KCNH2: variants seen among roughly 807,000 people sequenced by gnomAD.
The protein encoded by KCNH2 is voltage-gated inwardly rectifying potassium channel KCNH2.
Under a neutral mutation model 95.9 loss-of-function variants are expected in KCNH2, and 35 were observed. The observed-to-expected ratio is 0.37, with a 90% CI of 0.28 to 0.48. KCNH2 has a LOEUF of 0.48. KCNH2 is among the 20% of genes least tolerant of loss of function. The pLI is 0.99. For missense variants in KCNH2, 1,274 were observed against 1,702.9 expected (o/e 0.75, Z 4.43); for synonymous variants, 786 against 754.7 (o/e 1.04, Z -0.68).
chr7:150,950,870 AC>A, intron 8 of KCNH2, 50 bp downstream of exon 8: 2 of 1,578,676 alleles, frequency 1.3e-6, no homozygotes, highest in Non-Finnish European at 1.7e-6. Flanking sequence ...CCCCTCTGCC[AC>A]CCCACTCTTC....
rs1801578555 is a variant in KCNH2, at chr7:150,962,011, C to T, written c.308-2275G>A. Among the ~76,000 whole-genome samples, 1 of 152,216 alleles carries T rather than the reference C, an allele frequency of 6.6e-6. No homozygotes were observed. Among genetic ancestry groups the T allele is most frequent in the African/African-American group, 2.4e-5 (1 of 41,462 alleles). On this transcript the variant is annotated intron_variant, in intron 2 of 14. Transcript: ENST00000262186. This position sits in a 1 kb window ranked among gnomAD's most constrained non-coding sequence, Gnocchi z 5.7. ...TCACCACATCCCAGACCCTCACAGC[C>T]CCGCCCGAGGGCCCTGAGCTCTGGG...
rs1341579462 is a variant in KCNH2 at position 150,945,177 on chromosome 7, C to T, written c.*188G>A. ...AGGCCCCACCTACTGCCGGCCCTGC[C>T]CCTGCCCCTCTCACTGGGGCCCAGG... On this transcript the variant is annotated 3_prime_UTR_variant, in exon 15 of 15. Coordinates refer to ENST00000262186, the MANE Select transcript of KCNH2 (RefSeq NM_000238.4). The surrounding 1 kb of genome is among the most constrained non-coding windows in gnomAD (Gnocchi z 5.6). 4 of 665,970 alleles carry T rather than the reference C, an allele frequency of 6.0e-6. No homozygotes were observed. The highest frequency in any genetic ancestry group is 1.0e-5 in the Non-Finnish European group (4 of 399,898). 41.3% of individuals were successfully genotyped at this position (665,970 alleles called of 1,614,324 possible). A position where few individuals can be genotyped will look rare whatever the true frequency, so the allele number is the denominator to read the frequency against.
At position 150,947,864 on chromosome 7, in the gene KCNH2, C is replaced by T. The variant is rs199473669; in HGVS notation, c.2707G>A (p.Gly903Arg). ...RRTDKDTEQP[G>R]EVSALGPGRA... ...CCCGGCCCCAAGGCCGACACCTCCC[C>T]TGGCTGCTCCGTGTCTGTGGGAAAC... Residue 903 changes from glycine to arginine, a missense_variant, in exon 12 of 15, where the codon GGG becomes AGG. Physicochemically the swap from Gly to Arg is moderately radical, Grantham distance 125. Coordinates refer to ENST00000262186, the MANE Select transcript of KCNH2 (RefSeq NM_000238.4). 3.4e-4 allele frequency: 517 copies of T among 1,530,080 alleles called. No homozygotes were observed. The highest frequency in any genetic ancestry group is 4.2e-4 in the Non-Finnish European group (479 of 1,144,454). 94.8% of individuals were successfully genotyped at this position (1,530,080 alleles called of 1,614,324 possible). A position where few individuals can be genotyped will look rare whatever the true frequency, so the allele number is the denominator to read the frequency against.
intron 1 of KCNH2, among the ~76,000 whole-genome samples, chr7:150,976,853 T>G (rs1435559909): frequency 6.6e-6 from 1 of 151,234 alleles, no homozygotes; most frequent in Non-Finnish European, 1.5e-5. Flanking sequence ...AGGATCATCT[T>G]GTTCCTCCGC....
chr7:150,948,415 C>CA (rs2116936771), intron 11 of KCNH2, 29 bp downstream of exon 11: 26 of 1,131,376 alleles, frequency 2.3e-5, no homozygotes, highest in Non-Finnish European at 3.1e-5. Context: ...TGTCCCCGCC[C>CA]TCCCCCTTCC....
intron 5 of KCNH2, chr7:150,955,719 T>C: frequency 7.5e-7 from 1 of 1,341,156 alleles, no homozygotes. Flanking sequence ...CCTGCCTGGC[T>C]CGAGCTGCCC....
intron 5 of KCNH2, among the ~76,000 whole-genome samples, chr7:150,954,109 G>C (rs889811227): frequency 1.3e-5 from 2 of 152,218 alleles, no homozygotes; most frequent in African/African-American, 2.4e-5. Flanking sequence ...AGCGGTACCA[G>C]ATGGGCTGCG....
chr7:150,956,594 C>T (rs1030486442), intron 5 of KCNH2, among the ~76,000 whole-genome samples: 2 of 150,864 alleles, frequency 1.3e-5, no homozygotes, highest in Admixed American at 6.6e-5. Context: ...GGACCCCAAA[C>T]CCAGGAGGGG....
intron 6 of KCNH2, 130 bp from the exon 7 acceptor site, chr7:150,951,965 G>T: frequency 1.2e-6 from 1 of 841,752 alleles, no homozygotes; most frequent in Non-Finnish European, 1.8e-6. Flanking sequence ...CTCCTCCTAA[G>T]AGGTGAAGCC....
intron 1 of KCNH2, among the ~76,000 whole-genome samples, chr7:150,977,447 T>C (rs1316655529): frequency 6.6e-6 from 1 of 152,150 alleles, no homozygotes; most frequent in African/African-American, 2.4e-5. Flanking sequence ...CGCGCTGGAC[T>C]CTCGGGATCC....
chr7:150,975,058 A>T, intron 1 of KCNH2, 117 bp from the exon 2 acceptor site: 2 of 859,404 alleles, frequency 2.3e-6, no homozygotes, highest in Admixed American at 5.3e-5. Context: ...CACAGGAAGC[A>T]TGGCTGGGAC....
intron 13 of KCNH2, 115 bp from the exon 14 acceptor site, chr7:150,947,169 C>G (rs932723749): frequency 4.4e-6 from 5 of 1,125,774 alleles, no homozygotes; most frequent in African/African-American, 1.6e-5. Flanking sequence ...CCAGGCCCTC[C>G]GCGCTAGAGG....
At chr7:150,956,406 G>A (rs1315895941) in intron 5 of KCNH2, among the ~76,000 whole-genome samples, 2 of 152,210 alleles carry the variant, frequency 1.3e-5, no homozygotes, top group African/African-American at 4.8e-5. Flanking sequence ...CCAGGCAGCT[G>A]CTGTGGAAGG....
At chr7:150,951,384 T>C in intron 7 of KCNH2, 64 bp downstream of exon 7, 1 of 1,600,518 alleles carries the variant, frequency 6.2e-7, no homozygotes, top group Non-Finnish European at 8.5e-7. Flanking sequence ...GCAGCCTCAG[T>C]TTCCTCCAAC....
chr7:150,974,936 T>TA lies in KCNH2; in HGVS notation c.81dup (p.Lys28Ter), dbSNP rs794728475. ...ACCCGAGCGTTGGCGATGATGAACT[T>TA]ACGGCCTAGGGGGGCGGGGAGGAGA... On this transcript the variant is annotated frameshift_variant, in exon 2 of 15. Transcript: ENST00000262186. LOFTEE classifies it high-confidence loss of function. 6.2e-7 allele frequency: 1 copy of TA among 1,601,858 alleles called. No homozygotes were observed. The highest frequency in any genetic ancestry group is 8.5e-7 in the Non-Finnish European group (1 of 1,175,918).
intron 1 of KCNH2, among the ~76,000 whole-genome samples, chr7:150,977,400 C>T (rs1387063725): frequency 6.6e-6 from 1 of 152,182 alleles, no homozygotes; most frequent in Non-Finnish European, 1.5e-5. Context: ...TCAGTCCCTC[C>T]GGCACAACAC....
At chr7:150,977,278 C>G (rs1802001025) in intron 1 of KCNH2, among the ~76,000 whole-genome samples, 1 of 152,178 alleles carries the variant, frequency 6.6e-6, no homozygotes, top group Admixed American at 6.5e-5. Context: ...GTCAAAGACA[C>G]CTCCCCACCG....
chr7:150,952,488 G>A lies in KCNH2; in HGVS notation c.1494C>T (p.Phe498=). 1 of 1,614,154 alleles carries A rather than the reference G, an allele frequency of 6.2e-7. No homozygotes were observed. Among genetic ancestry groups the A allele is most frequent in the Non-Finnish European group, 8.5e-7 (1 of 1,180,024 alleles). ...RIAVHYFKGW[F]LIDMVAAIPF... The stretch of plus-strand genomic sequence containing the variant: ...GGATGGCGGCCACCATGTCGATGAG[G>A]AACCAGCCCTTGAAGTAGTGGACGG... Residue 498 remains phenylalanine (F), a synonymous_variant, in exon 6 of 15, where the codon TTC becomes TTT. Coordinates refer to ENST00000262186, the MANE Select transcript of KCNH2 (RefSeq NM_000238.4). This position sits in a 1 kb window ranked among gnomAD's most constrained non-coding sequence, Gnocchi z 7.3.
At chr7:150,950,533 G>A in intron 8 of KCNH2, 113 bp from the exon 9 acceptor site, 1 of 1,374,656 alleles carries the variant, frequency 7.3e-7, no homozygotes, top group Non-Finnish European at 9.8e-7. Flanking sequence ...TCCAGGCCTG[G>A]GAGATCTCGG....
Sources: allele counts gnomAD v4.1 joint callset (sites outside exome capture counted in the v4.1 genomes callset), GRCh38; gene constraint gnomAD v4.1.1; non-coding constraint Gnocchi (gnomAD v3.1); transcripts MANE v1.5; gene names NCBI Gene and HGNC (gene_info 2026-07-23, HGNC 2026-07-21).